MAGI3: variants seen among roughly 807,000 people sequenced by gnomAD.
MAGI3 encodes membrane-associated guanylate kinase, WW and PDZ domain-containing protein 3.
In MAGI3, 43 loss-of-function variants were observed where a neutral mutation model predicts 121.8. That is an observed-to-expected ratio of 0.35 (90% CI 0.28 to 0.46). The LOEUF (loss-of-function observed/expected upper bound fraction) is 0.46, where lower values mean the gene tolerates loss of function less well. Among genes scored for constraint, MAGI3 ranks in the 20% least tolerant of loss-of-function variants. The pLI is 1.00. For missense variants in MAGI3, 1,547 were observed against 1,797.3 expected, an observed-to-expected ratio of 0.86 and a Z score of 2.52; for synonymous variants, 553 against 639.3, an observed-to-expected ratio of 0.86 and a Z score of 2.04.
chr1:113,587,120 T>C (rs561324224), intron 4 of MAGI3, among the ~76,000 whole-genome samples: 2 of 152,320 alleles, frequency 1.3e-5, no homozygotes, highest in African/African-American at 4.8e-5. Context: ...TGAATAAGTA[T>C]GAACTGTAGT....
chr1:113,587,944 C>G (rs562403093), intron 4 of MAGI3, among the ~76,000 whole-genome samples: 25 of 152,202 alleles, frequency 1.6e-4, no homozygotes, highest in Admixed American at 3.3e-4. Context: ...ATTTATTCAA[C>G]AAATATGTAG....
Position 113,391,120 on chromosome 1 carries a change from C to T in MAGI3, c.87C>T (p.Phe29=), listed in dbSNP as rs1557730441. 3 of 1,575,812 alleles carry T rather than the reference C, an allele frequency of 1.9e-6. No individual in the cohort carries two copies. The highest frequency in any genetic ancestry group is 1.8e-5 in the Admixed American group (1 of 54,710). ...AVSWAGPPGD[F]GAEIRGGAER... ...CCTGGGCCGGGCCCCCGGGCGACTT[C>T]GGCGCGGAGATCCGCGGTGGCGCGG... Residue 29 remains phenylalanine (F), a synonymous_variant, in exon 1 of 21, where the codon TTC becomes TTT. Transcript: ENST00000307546. This position sits in a 1 kb window ranked among gnomAD's most constrained non-coding sequence, Gnocchi z 4.4.
intron 19 of MAGI3, among the ~76,000 whole-genome samples, chr1:113,676,036 TTC>T (rs144677656): frequency 2.7e-5 from 4 of 149,868 alleles, no homozygotes; most frequent in Non-Finnish European, 3.0e-5. Context: ...CTATCTTCTC[TTC>T]TCTCTCTCTC....
intron 1 of MAGI3, among the ~76,000 whole-genome samples, chr1:113,446,387 C>A (rs932038016): frequency 2.0e-5 from 3 of 151,914 alleles, no homozygotes; most frequent in African/African-American, 7.3e-5. Context: ...ATAGAATATA[C>A]ACAAAAGGAA....
intron 1 of MAGI3, among the ~76,000 whole-genome samples, chr1:113,507,638 G>A (rs1657400818): frequency 6.6e-6 from 1 of 152,076 alleles, no homozygotes; most frequent in African/African-American, 2.4e-5. Flanking sequence ...AACAGATAAT[G>A]TCTTGATTTT....
At chr1:113,512,346 C>A (rs999500489) in intron 1 of MAGI3, among the ~76,000 whole-genome samples, 2 of 152,110 alleles carry the variant, frequency 1.3e-5, no homozygotes, top group Non-Finnish European at 2.9e-5. Context: ...GAATAATTAA[C>A]TCTATTACTG....
At chr1:113,469,730 T>C (rs1655455295) in intron 1 of MAGI3, among the ~76,000 whole-genome samples, 1 of 152,178 alleles carries the variant, frequency 6.6e-6, no homozygotes, top group Non-Finnish European at 1.5e-5. Flanking sequence ...TGCTTGGTAA[T>C]AGATTTATAA....
intron 1 of MAGI3, among the ~76,000 whole-genome samples, chr1:113,462,689 A>G (rs979470676): frequency 6.6e-6 from 1 of 152,040 alleles, no homozygotes; most frequent in African/African-American, 2.4e-5. Context: ...CTTCACTTCT[A>G]CCCCCAAACC....
chr1:113,430,095 C>T (rs1366934977), intron 1 of MAGI3, among the ~76,000 whole-genome samples: 1 of 151,914 alleles, frequency 6.6e-6, no homozygotes, highest in African/African-American at 2.4e-5. Flanking sequence ...CAAATGCAAA[C>T]CACAGGGTAG....
At position 113,602,114 on chromosome 1, in the gene MAGI3, C is replaced by T. The variant is rs575430152; in HGVS notation, c.1018+7554C>T. Among the ~76,000 whole-genome samples, 4 of 151,836 alleles carry T rather than the reference C, an allele frequency of 2.6e-5. No individual in the cohort carries two copies. In the South Asian group the frequency reaches 8.4e-4, roughly 32 times the overall value. Reference sequence around the variant, plus strand: ...GAAGGGATAGCATTAGGAGATATACCTAATGCTAAATGACGAGTTAATGGG... The same window carrying T: ...GAAGGGATAGCATTAGGAGATATACTTAATGCTAAATGACGAGTTAATGGG... On this transcript the variant is annotated intron_variant, in intron 6 of 20. Transcript: ENST00000307546.
chr1:113,643,698 G>A, intron 10 of MAGI3, 45 bp from the exon 11 acceptor site: 2 of 1,586,680 alleles, frequency 1.3e-6, no homozygotes, highest in Non-Finnish European at 1.7e-6. Context: ...TGTGATCTGG[G>A]AATGCATCCT....
At chr1:113,588,390 T>C (rs1207999890) in intron 4 of MAGI3, among the ~76,000 whole-genome samples, 4 of 152,130 alleles carry the variant, frequency 2.6e-5, no homozygotes. Context: ...GGCAATAGAA[T>C]AGAATAGTAA....
At chr1:113,647,637 T>G (rs1296681012) in intron 12 of MAGI3, among the ~76,000 whole-genome samples, 1 of 152,224 alleles carries the variant, frequency 6.6e-6, no homozygotes, top group Non-Finnish European at 1.5e-5. Context: ...TAGAAAGAGA[T>G]GTAAATCTAC....
chr1:113,468,288 TA>T (rs1311161612), intron 1 of MAGI3, among the ~76,000 whole-genome samples: 8 of 152,214 alleles, frequency 5.3e-5, no homozygotes, highest in Non-Finnish European at 1.0e-4. Context: ...CTTCCTTTTT[TA>T]CTGTCTTCCT....
chr1:113,477,402 G>T (rs1655886041), intron 1 of MAGI3, among the ~76,000 whole-genome samples: 1 of 152,142 alleles, frequency 6.6e-6, no homozygotes, highest in African/African-American at 2.4e-5. Context: ...TCCTTCAGGA[G>T]CTCTTGTAAG....
At position 113,684,711 on chromosome 1, in the gene MAGI3, T is replaced by C. The variant is rs1056875150; in HGVS notation, c.*697T>C. 1.3e-5 allele frequency: 2 copies of C among 152,410 alleles called. No individual in the cohort carries two copies. The highest frequency in any genetic ancestry group is 2.9e-5 in the Non-Finnish European group (2 of 68,050). The allele number at this position is 152,410 out of a possible 1,614,324, so 9.4% of individuals were successfully genotyped here. A position where few individuals can be genotyped will look rare whatever the true frequency, so the allele number is the denominator to read the frequency against. On this transcript the variant is annotated 3_prime_UTR_variant, in exon 21 of 21. Coordinates refer to ENST00000307546, the MANE Select transcript of MAGI3 (RefSeq NM_001142782.2). ...AAAGATATTACTTACAATTGAATGTTTGAAATAAGAAAGTACTTTAAGCAA... is the reference window on the plus strand; with the variant it reads ...AAAGATATTACTTACAATTGAATGTCTGAAATAAGAAAGTACTTTAAGCAA...
chr1:113,608,249 G>A (rs1163733731), intron 6 of MAGI3, among the ~76,000 whole-genome samples: 1 of 152,136 alleles, frequency 6.6e-6, no homozygotes, highest in East Asian at 1.9e-4. Flanking sequence ...AGGGAAGAAG[G>A]GAAAAGGAAG....
At chr1:113,436,934 C>T (rs907990301) in intron 1 of MAGI3, among the ~76,000 whole-genome samples, 1 of 151,684 alleles carries the variant, frequency 6.6e-6, no homozygotes, top group African/African-American at 2.4e-5. Flanking sequence ...CCTGCCTCCA[C>T]CTCCAGAGTA....
At position 113,584,966 on chromosome 1, in the gene MAGI3, C is replaced by CAATTTTTTT. The variant is rs61622151; in HGVS notation, c.554-421_554-420insAATTTTTTT. Among the ~76,000 whole-genome samples the CAATTTTTTT allele has an allele frequency of 3.2e-4, 35 of 110,736 alleles. 4 individuals are homozygous for CAATTTTTTT. Among genetic ancestry groups the CAATTTTTTT allele is most frequent in the Admixed American group, 4.0e-4 (4 of 10,026 alleles). The allele number at this position is 110,736 out of a possible 152,430, so 72.6% of individuals were successfully genotyped here. A position where few individuals can be genotyped will look rare whatever the true frequency, so the allele number is the denominator to read the frequency against. ...TCCTTTTGGCCAATGGTAGATATTT[C>CAATTTTTTT]CTTTTTTTTTTTTTTTTTTTTTTGA... On this transcript the variant is annotated intron_variant, in intron 3 of 20. Coordinates refer to ENST00000307546, the MANE Select transcript of MAGI3 (RefSeq NM_001142782.2).
Sources: gnomAD v4.1 joint callset for allele counts (sites outside exome capture counted in the v4.1 genomes callset) on GRCh38, gnomAD v4.1.1 for gene constraint, Gnocchi (gnomAD v3.1) non-coding constraint, MANE v1.5 for transcripts, NCBI Gene and HGNC (gene_info 2026-07-23, HGNC 2026-07-21) for gene names.